The following NDUFAF6 variants were observed in gnomAD, a reference collection of about 807,000 sequenced individuals.
NDUFAF6 encodes NADH:ubiquinone oxidoreductase complex assembly factor 6.
NDUFAF6 carries 45 observed loss-of-function variants against 40.8 expected under a neutral mutation model. That is an observed-to-expected ratio of 1.10 (90% CI 0.87 to 1.42). NDUFAF6 has a LOEUF of 1.42. NDUFAF6 is among the 40% of genes most tolerant of loss of function. NDUFAF6 has a pLI of 0.00. For missense variants in NDUFAF6, 435 were observed against 418.5 expected, an observed-to-expected ratio of 1.04 and a Z score of -0.34; for synonymous variants, 185 against 155.9, an observed-to-expected ratio of 1.19 and a Z score of -1.39.
At chr8:95,009,637 C>T (rs1007679454) in intron 2 of NDUFAF6, among the ~76,000 whole-genome samples, 5 of 152,146 alleles carry the variant, frequency 3.3e-5, no homozygotes, top group African/African-American at 4.8e-5. Context: ...CCATCTGCTT[C>T]GGGCCAGCCC....
chr8:95,025,227 T>C (rs969350214), intron 1 of NDUFAF6, 22 bp downstream of exon 1: 1 of 1,384,810 alleles, frequency 7.2e-7, no homozygotes, highest in African/African-American at 1.5e-5. Flanking sequence ...CGACCTTCCC[T>C]GGCGCGGCGG....
chr8:95,085,271 G>A (rs1809006110), intron 2 of NDUFAF6, among the ~76,000 whole-genome samples: 1 of 152,180 alleles, frequency 6.6e-6, no homozygotes, highest in South Asian at 2.1e-4. Context: ...GTTAGACCTT[G>A]ATCTAAGTTC....
chr8:95,047,214 A>G, intron 6 of NDUFAF6, 87 bp downstream of exon 6: 1 of 1,567,532 alleles, frequency 6.4e-7, no homozygotes, highest in Non-Finnish European at 8.7e-7. Flanking sequence ...TAGTCTATTC[A>G]AGTAATTGCT....
chr8:94,955,528 A>G (rs1375871093), upstream of NDUFAF6, among the ~76,000 whole-genome samples: 1 of 152,256 alleles, frequency 6.6e-6, no homozygotes, highest in Non-Finnish European at 1.5e-5. Context: ...ACTTTGGGGA[A>G]CACGTTCAAA....
At chr8:94,931,509 A>AT (rs1382147401) in intron 1 of NDUFAF6, among the ~76,000 whole-genome samples, 3 of 152,110 alleles carry the variant, frequency 2.0e-5, no homozygotes, top group Non-Finnish European at 4.4e-5. Context: ...GAGCTGTATG[A>AT]TTTTTAAGAG....
chr8:95,031,968 ACTGT>A (rs781275898), intron 1 of NDUFAF6, 23 bp from the exon 2 acceptor site: 1 of 1,592,082 alleles, frequency 6.3e-7, no homozygotes, highest in Non-Finnish European at 8.6e-7. Flanking sequence ...GTGAAGAGTA[ACTGT>A]CTTTTTTTTC....
chr8:95,045,231 A>G (rs952680734), intron 4 of NDUFAF6, among the ~76,000 whole-genome samples: 5 of 152,156 alleles, frequency 3.3e-5, no homozygotes, highest in Non-Finnish European at 5.9e-5. Context: ...CGTAATGTCT[A>G]AAGTGCCTAT....
chr8:95,013,849 G>C (rs1827327963), intron 2 of NDUFAF6, among the ~76,000 whole-genome samples: 1 of 152,028 alleles, frequency 6.6e-6, no homozygotes, highest in Non-Finnish European at 1.5e-5. Flanking sequence ...TATTTGGAAA[G>C]AGGTTCTTTG....
At chr8:94,961,226 G>T (rs2131478281) in intron 1 of NDUFAF6, among the ~76,000 whole-genome samples, 1 of 152,214 alleles carries the variant, frequency 6.6e-6, no homozygotes, top group African/African-American at 2.4e-5. Context: ...TTTTGTCCTT[G>T]AACTCCAGGC....
At chr8:95,052,307 C>T in intron 8 of NDUFAF6, 77 bp downstream of exon 8, 11 of 1,472,704 alleles carry the variant, frequency 7.5e-6, no homozygotes, top group Non-Finnish European at 1.0e-5. Context: ...TTATAAAGTT[C>T]CCAATGAACT....
intron 2 of NDUFAF6, among the ~76,000 whole-genome samples, chr8:95,082,072 AC>A (rs780819186): frequency 6.6e-6 from 1 of 152,118 alleles, no homozygotes; most frequent in Non-Finnish European, 1.5e-5. Flanking sequence ...TCAAAAAAAA[AC>A]AACAAAAAAA....
chr8:94,953,076 G>A (rs913002867), upstream of NDUFAF6, among the ~76,000 whole-genome samples: 3 of 152,196 alleles, frequency 2.0e-5, no homozygotes, highest in Admixed American at 6.5e-5. Context: ...GGCTGGGCAC[G>A]GTGGCTTACG....
intron 2 of NDUFAF6, among the ~76,000 whole-genome samples, chr8:95,081,638 G>T (rs1028711840): frequency 4.6e-5 from 7 of 152,178 alleles, no homozygotes; most frequent in Admixed American, 1.3e-4. Flanking sequence ...CAAATACAAA[G>T]AAATTAATCA....
chr8:95,077,502 T>A (rs1351575377), downstream of NDUFAF6, among the ~76,000 whole-genome samples: 1 of 152,212 alleles, frequency 6.6e-6, no homozygotes, highest in Non-Finnish European at 1.5e-5. Flanking sequence ...GAAAGGATGA[T>A]TCATGTCCCA....
At chr8:94,999,564 A>G (rs1247198455) in intron 2 of NDUFAF6, among the ~76,000 whole-genome samples, 1 of 151,996 alleles carries the variant, frequency 6.6e-6, no homozygotes, top group Non-Finnish European at 1.5e-5. Flanking sequence ...TTACAGGTGC[A>G]TGCCATCATA....
intron 2 of NDUFAF6, chr8:95,101,354 T>A (rs1028838818): frequency 1.3e-5 from 2 of 152,182 alleles, no homozygotes; most frequent in African/African-American, 4.8e-5. Flanking sequence ...GGGACTTTAT[T>A]GGTTACTTGG....
chr8:95,110,311 G>C (rs1034376821), intron 4 of NDUFAF6, among the ~76,000 whole-genome samples: 1 of 152,230 alleles, frequency 6.6e-6, no homozygotes, highest in African/African-American at 2.4e-5. Context: ...AGATGCCTTT[G>C]TGGAGCTCTT....
chr8:94,922,844 G>A (rs576161144), intron 1 of NDUFAF6, among the ~76,000 whole-genome samples: 16 of 152,318 alleles, frequency 1.1e-4, no homozygotes, highest in Admixed American at 7.8e-4. Flanking sequence ...TAAGCACTAT[G>A]TTAGGGATCT....
intron 2 of NDUFAF6, chr8:95,088,025 T>C (rs2132059919): frequency 6.6e-6 from 1 of 152,506 alleles, no homozygotes; most frequent in East Asian, 1.9e-4. Context: ...TTGGCAGCAC[T>C]GAAGACTAGC....
Sources: allele counts gnomAD v4.1 joint callset (sites outside exome capture counted in the v4.1 genomes callset), GRCh38; gene constraint gnomAD v4.1.1; transcripts MANE v1.5; gene names NCBI Gene and HGNC (gene_info 2026-07-23, HGNC 2026-07-21).